ADAMTS12: variants seen among roughly 807,000 people sequenced by gnomAD.
ADAMTS12 encodes A disintegrin and metalloproteinase with thrombospondin motifs 12.
In ADAMTS12, 118 loss-of-function variants were observed where a neutral mutation model predicts 167.8. That is an observed-to-expected ratio of 0.70 (90% CI 0.61 to 0.82). The LOEUF (loss-of-function observed/expected upper bound fraction) is 0.82. Ranked by LOEUF, ADAMTS12 falls within the 40% of genes least tolerant of loss-of-function variation. The pLI is 0.00. For synonymous variants in ADAMTS12, 704 were observed against 716.9 expected (o/e 0.98, Z 0.29); for missense variants, 1,916 against 1,998.8 (o/e 0.96, Z 0.79).
intron 2 of ADAMTS12, among the ~76,000 whole-genome samples, chr5:33,843,308 T>C (rs925654537): frequency 6.6e-6 from 1 of 152,226 alleles, no homozygotes; most frequent in East Asian, 1.9e-4. Context: ...CAGTGCTAGG[T>C]TCCTGAGCCT....
At chr5:33,711,298 CT>C (rs1484994623) in intron 3 of ADAMTS12, among the ~76,000 whole-genome samples, 1 of 152,178 alleles carries the variant, frequency 6.6e-6, no homozygotes, top group Non-Finnish European at 1.5e-5. Flanking sequence ...ACTTATTTCT[CT>C]CAGGGGTGTC....
At chr5:33,643,010 A>AG (rs34091587) in intron 10 of ADAMTS12, among the ~76,000 whole-genome samples, 85,923 of 151,990 alleles carry the variant, frequency 0.57, 24,945 homozygotes, top group East Asian at 0.67. Flanking sequence ...ATTTTTGGGA[A>AG]AAGAAGCCGC....
chr5:33,611,382 T>C (rs1358663597), intron 16 of ADAMTS12, among the ~76,000 whole-genome samples: 1 of 151,820 alleles, frequency 6.6e-6, no homozygotes, highest in Non-Finnish European at 1.5e-5. Flanking sequence ...AACAAAATGG[T>C]AAGAGCAATA....
chr5:33,627,515 A>AGTG (rs540259418), intron 13 of ADAMTS12, among the ~76,000 whole-genome samples: 293 of 149,126 alleles, frequency 2.0e-3, no homozygotes, highest in African/African-American at 7.1e-3. Context: ...TGGTGGTGGT[A>AGTG]GTGGTGGTGG....
intron 3 of ADAMTS12, among the ~76,000 whole-genome samples, chr5:33,708,791 T>C (rs751141768): frequency 1.5e-4 from 23 of 151,994 alleles, no homozygotes; most frequent in Middle Eastern, 3.4e-3. Context: ...CACCAGGGCC[T>C]ATCAGGGGGT....
At chr5:33,550,851 A>G (rs1476480804) in intron 20 of ADAMTS12, among the ~76,000 whole-genome samples, 2 of 152,090 alleles carry the variant, frequency 1.3e-5, no homozygotes, top group Non-Finnish European at 2.9e-5. Context: ...GGACAGACAC[A>G]GTGTAGATGG....
At chr5:33,885,610 A>C (rs527729075) in intron 1 of ADAMTS12, among the ~76,000 whole-genome samples, 19 of 152,336 alleles carry the variant, frequency 1.2e-4, no homozygotes, top group African/African-American at 4.6e-4. Context: ...CCAGTAGACA[A>C]GATAAGTAAG....
At chr5:33,610,202 C>CA (rs200559275) in intron 16 of ADAMTS12, among the ~76,000 whole-genome samples, 1,796 of 151,440 alleles carry the variant, frequency 0.012, 42 homozygotes, top group African/African-American at 0.042. Context: ...ACAACAACAG[C>CA]AACAACAAAA....
At chr5:33,561,872 G>A (rs996605238) in intron 19 of ADAMTS12, among the ~76,000 whole-genome samples, 3 of 152,200 alleles carry the variant, frequency 2.0e-5, no homozygotes, top group Admixed American at 6.5e-5. Context: ...CAGAGTGGAT[G>A]TCAGGTCCAG....
At chr5:33,771,593 T>C (rs113209862) in intron 2 of ADAMTS12, among the ~76,000 whole-genome samples, 2,397 of 152,214 alleles carry the variant, frequency 0.016, 60 homozygotes, top group African/African-American at 0.056. Context: ...GTTTAACAGA[T>C]AGAGTTTTAG....
At chr5:33,624,185 C>T (rs753830984) in intron 14 of ADAMTS12, 46 bp downstream of exon 14, 5 of 1,610,408 alleles carry the variant, frequency 3.1e-6, no homozygotes, top group East Asian at 4.5e-5. Context: ...TATCTTGCCC[C>T]CCACCTTTGG....
intron 2 of ADAMTS12, among the ~76,000 whole-genome samples, chr5:33,762,883 T>A (rs1745406258): frequency 6.6e-6 from 1 of 152,170 alleles, no homozygotes; most frequent in Non-Finnish European, 1.5e-5. Context: ...GGAACCTCTT[T>A]TTCTCTTTAA....
intron 20 of ADAMTS12, among the ~76,000 whole-genome samples, chr5:33,551,589 TAA>T (rs1745256018): frequency 6.6e-6 from 1 of 152,244 alleles, no homozygotes; most frequent in South Asian, 2.1e-4. Context: ...AAAGGGGATT[TAA>T]AAGACATAAG....
At chr5:33,758,803 T>C (rs1453232800) in intron 2 of ADAMTS12, among the ~76,000 whole-genome samples, 1 of 152,166 alleles carries the variant, frequency 6.6e-6, no homozygotes, top group Non-Finnish European at 1.5e-5. Flanking sequence ...CAGATTCAGA[T>C]ACTGGTGGGA....
At chr5:33,792,196 A>C (rs1746601336) in intron 2 of ADAMTS12, among the ~76,000 whole-genome samples, 1 of 151,988 alleles carries the variant, frequency 6.6e-6, no homozygotes, top group Non-Finnish European at 1.5e-5. Flanking sequence ...GGACTTCAAC[A>C]CGTTAGCCAG....
chr5:33,699,488 A>G (rs1742916313), intron 3 of ADAMTS12, among the ~76,000 whole-genome samples: 1 of 152,152 alleles, frequency 6.6e-6, no homozygotes, highest in Admixed American at 6.5e-5. Flanking sequence ...TACGAGAAAA[A>G]TGTTTGGGAT....
Position 33,658,255 on chromosome 5 carries a change from G to A in ADAMTS12, c.1119C>T (p.His373=). The A allele has an allele frequency of 1.2e-6, 2 of 1,613,724 alleles. No homozygotes were observed. The highest frequency in any genetic ancestry group is 1.7e-6 in the Non-Finnish European group (2 of 1,179,712). ...AATCTTCATTGATGTTACAACTGCG[G>A]TGAGGCTGACACATTCCTGAAAGGT... ...LSHLSGMCQP[H]RSCNINEDSG... The change falls in exon 7 of 24, where the codon CAC becomes CAT. Residue 373 remains histidine, a synonymous_variant. Transcript: ENST00000504830.
At position 33,732,392 on chromosome 5, in the gene ADAMTS12, T is replaced by C. The variant is rs180920519; in HGVS notation, c.634+19012A>G. On this transcript the variant is annotated intron_variant, in intron 3 of 23. Coordinates refer to ENST00000504830, the MANE Select transcript of ADAMTS12 (RefSeq NM_030955.4). ...ATTAAAGATGAAAACAGAAAAAGCA[T>C]TTTCCCACAAATATGACAAAGATGT... 4.6e-3 allele frequency among the ~76,000 whole-genome samples: 699 copies of C among 152,252 alleles called. 6 individuals are homozygous for C. Among genetic ancestry groups the C allele is most frequent in the African/African-American group, 0.016 (684 of 41,560 alleles).
intron 14 of ADAMTS12, among the ~76,000 whole-genome samples, chr5:33,622,154 G>A (rs939762764): frequency 1.3e-5 from 2 of 152,150 alleles, no homozygotes; most frequent in African/African-American, 4.8e-5. Context: ...GGTAACAGGG[G>A]AGCAGAAGAC....
Sources: gnomAD v4.1 joint callset for allele counts (sites outside exome capture counted in the v4.1 genomes callset) on GRCh38, gnomAD v4.1.1 for gene constraint, MANE v1.5 for transcripts, NCBI Gene and HGNC (gene_info 2026-07-23, HGNC 2026-07-21) for gene names.